Variants in TMEM232 observed in about 807,000 individuals in gnomAD.
TMEM232 encodes transmembrane protein 232.
Under a neutral mutation model 78.8 loss-of-function variants are expected in TMEM232, and 80 were observed. The ratio of observed to expected loss-of-function variants is 1.01; its 90% CI spans 0.85 to 1.22. The LOEUF (loss-of-function observed/expected upper bound fraction) is 1.22. Ranked by LOEUF, TMEM232 falls within the 50% of genes most tolerant of loss-of-function variation. The pLI, the probability that TMEM232 is intolerant of heterozygous loss-of-function variation, is 0.00. For missense variants in TMEM232, 881 were observed against 742.2 expected (o/e 1.19, Z -2.17); for synonymous variants, 297 against 254.3 (o/e 1.17, Z -1.60).
intron 1 of TMEM232, among the ~76,000 whole-genome samples, chr5:110,702,088 A>G (rs562815322): frequency 6.6e-6 from 1 of 152,134 alleles, no homozygotes; most frequent in Admixed American, 6.6e-5. Flanking sequence ...CTCATGGTAC[A>G]GCAGTTATAT....
At chr5:110,440,497 C>T (rs1413437124) in intron 12 of TMEM232, among the ~76,000 whole-genome samples, 1 of 151,932 alleles carries the variant, frequency 6.6e-6, no homozygotes, top group Non-Finnish European at 1.5e-5. Context: ...AATGATATTT[C>T]AAATATGGAA....
intron 11 of TMEM232, among the ~76,000 whole-genome samples, chr5:110,559,182 CAA>C (rs548654251): frequency 6.6e-6 from 1 of 151,744 alleles, no homozygotes; most frequent in Non-Finnish European, 1.5e-5. Flanking sequence ...TTATATTACA[CAA>C]AAAAAATCAA....
At chr5:110,630,768 G>A (rs964965588) in intron 5 of TMEM232, among the ~76,000 whole-genome samples, 3 of 152,062 alleles carry the variant, frequency 2.0e-5, no homozygotes, top group Non-Finnish European at 2.9e-5. Flanking sequence ...AATACAGAAG[G>A]GAAGCAAAAT....
At chr5:110,605,454 A>G in intron 9 of TMEM232, 96 bp from the exon 10 acceptor site, 1 of 1,339,340 alleles carries the variant, frequency 7.5e-7, no homozygotes. Context: ...AGACCATAAT[A>G]AACTAATATA....
Position 110,668,563 on chromosome 5 carries a change from TG to T in TMEM232, c.-12-1200del, listed in dbSNP as rs1218219199. ...ATGGATCACAGACACAAAATGTCAT[TG>T]TCTATTGCTATTGATGTATAGCAAG... On this transcript the variant is annotated intron_variant, in intron 1 of 13. Coordinates refer to ENST00000455884, the MANE Select transcript of TMEM232 (RefSeq NM_001039763.4). Among the ~76,000 whole-genome samples the T allele has an allele frequency of 9.9e-5, 15 of 152,182 alleles. No homozygotes were observed. The East Asian group carries it at 2.1e-3, about 21-fold the overall frequency.
intron 1 of TMEM232, among the ~76,000 whole-genome samples, chr5:110,669,715 C>T (rs1791105992): frequency 1.3e-5 from 2 of 152,116 alleles, no homozygotes; most frequent in Non-Finnish European, 2.9e-5. Flanking sequence ...TGATGAACAT[C>T]AATGCAGAAA....
At chr5:110,665,623 T>G (rs770451413) in intron 2 of TMEM232, among the ~76,000 whole-genome samples, 1 of 150,958 alleles carries the variant, frequency 6.6e-6, no homozygotes, top group Non-Finnish European at 1.5e-5. Context: ...GGGAAATCCA[T>G]CCCGGTTATC....
chr5:110,706,351 GTTTCTTTTCTA>G (rs1795928997), intron 1 of TMEM232, among the ~76,000 whole-genome samples: 1 of 152,056 alleles, frequency 6.6e-6, no homozygotes. Flanking sequence ...ATAATATGTT[GTTTCTTTTCTA>G]TTGTCTTTAC....
At chr5:110,468,194 CA>C (rs202141123) in intron 12 of TMEM232, among the ~76,000 whole-genome samples, 3,197 of 152,062 alleles carry the variant, frequency 0.021, 36 homozygotes, top group Admixed American at 0.025. Context: ...ACCCAGAATA[CA>C]ATGAAATAAC....
At chr5:110,597,091 G>A (rs1324726657) in intron 10 of TMEM232, among the ~76,000 whole-genome samples, 4 of 152,130 alleles carry the variant, frequency 2.6e-5, no homozygotes, top group East Asian at 1.9e-4. Flanking sequence ...GTTTGCAGAC[G>A]ACATGATTGT....
chr5:110,694,631 CA>C (rs1376586397), intron 1 of TMEM232, among the ~76,000 whole-genome samples: 1 of 151,498 alleles, frequency 6.6e-6, no homozygotes. Flanking sequence ...AAATGGAAAA[CA>C]AAAAAAGGCA....
rs372792285 is a variant in TMEM232 at position 110,692,634 on chromosome 5, C to A, written c.-12-25270G>T. On this transcript the variant is annotated intron_variant, in intron 1 of 13. Coordinates refer to ENST00000455884, the MANE Select transcript of TMEM232 (RefSeq NM_001039763.4). Reference sequence around the variant, plus strand: ...GCGCTTTTCCAACGGGCTTAACAAACGGCACACCAGGAGATTATATCTCAC... The same window carrying A: ...GCGCTTTTCCAACGGGCTTAACAAAAGGCACACCAGGAGATTATATCTCAC... Among the ~76,000 whole-genome samples, 9 of 152,320 alleles carry A rather than the reference C, an allele frequency of 5.9e-5. 1 individual carries two copies. The highest frequency in any genetic ancestry group is 5.8e-4 in the East Asian group (3 of 5,166).
rs184864165 is a variant in TMEM232, at chr5:110,661,047, A to T, written c.125+6181T>A. On this transcript the variant is annotated intron_variant, in intron 2 of 13. Transcript: ENST00000455884. ...TTCTACTCTCTACCTTTATGAGATC[A>T]ATTTATTTTAGCACACACATGTGAG... Among the ~76,000 whole-genome samples the T allele has an allele frequency of 1.4e-3, 209 of 152,222 alleles. 1 individual carries two copies. The highest frequency in any genetic ancestry group is 2.4e-3 in the Non-Finnish European group (161 of 67,998).
chr5:110,419,316 T>C (rs1756429909), downstream of TMEM232, among the ~76,000 whole-genome samples: 1 of 152,086 alleles, frequency 6.6e-6, no homozygotes. Context: ...AAACATAAGT[T>C]TGAATTAGCT....
At chr5:110,577,547 T>G (rs983805207) in intron 10 of TMEM232, among the ~76,000 whole-genome samples, 4 of 152,106 alleles carry the variant, frequency 2.6e-5, no homozygotes, top group Non-Finnish European at 5.9e-5. Flanking sequence ...CTATAAATCA[T>G]TTTATTATGA....
intron 12 of TMEM232, among the ~76,000 whole-genome samples, chr5:110,482,752 A>G (rs1764018748): frequency 1.3e-5 from 2 of 151,886 alleles, no homozygotes; most frequent in Admixed American, 6.6e-5. Flanking sequence ...TAGCTAAATC[A>G]TTAGAAAAGG....
Position 110,456,238 on chromosome 5 carries a change from T to C in TMEM232, c.1704-31322A>G, listed in dbSNP as rs141748113. Among the ~76,000 whole-genome samples, 854 of 152,254 alleles carry C rather than the reference T, an allele frequency of 5.6e-3. 7 individuals carry two copies. Among genetic ancestry groups the C allele is most frequent in the Non-Finnish European group, 8.1e-3 (548 of 68,008 alleles). On this transcript the variant is annotated intron_variant, in intron 12 of 13. Coordinates refer to ENST00000455884, the MANE Select transcript of TMEM232 (RefSeq NM_001039763.4). ...AAGGTTTAGTGATAAAAGGCCAGTATACAAAAACCAATTGTAATTCTATAC... is the reference window on the plus strand; with the variant it reads ...AAGGTTTAGTGATAAAAGGCCAGTACACAAAAACCAATTGTAATTCTATAC...
chr5:110,528,961 G>GT (rs1366093715), intron 11 of TMEM232, 126 bp from the exon 12 acceptor site: 3 of 945,572 alleles, frequency 3.2e-6, no homozygotes, highest in Admixed American at 4.4e-5. Flanking sequence ...TTCCTGTTAA[G>GT]TAAAAATAAT....
At chr5:110,464,458 T>C (rs1323682093) in intron 12 of TMEM232, among the ~76,000 whole-genome samples, 2 of 152,194 alleles carry the variant, frequency 1.3e-5, no homozygotes, top group Admixed American at 6.5e-5. Context: ...TTATGAATGC[T>C]TCCAGTTTGT....
Sources: allele counts gnomAD v4.1 joint callset (sites outside exome capture counted in the v4.1 genomes callset), GRCh38; gene constraint gnomAD v4.1.1; transcripts MANE v1.5; gene names NCBI Gene and HGNC (gene_info 2026-07-23, HGNC 2026-07-21).